ZNF676: variants seen among roughly 807,000 people sequenced by gnomAD.
The protein encoded by ZNF676 is zinc finger protein 676.
In ZNF676, 4 loss-of-function variants were observed where a neutral mutation model predicts 6.0. The observed-to-expected ratio is 0.67, with a 90% CI of 0.33 to 1.53. The LOEUF (loss-of-function observed/expected upper bound fraction) is 1.53, where lower values mean the gene tolerates loss of function less well. Ranked by LOEUF, ZNF676 falls within the 40% of genes most tolerant of loss-of-function variation. The probability of loss-of-function intolerance (pLI) is 0.06; values close to 1 mark genes in which losing one functional copy is unlikely to be tolerated. For missense variants in ZNF676, 644 were observed against 679.7 expected (o/e 0.95, Z 0.58); for synonymous variants, 198 against 223.1 (o/e 0.89, Z 1.00).
chr19:22,257,064 G>A, the ZNF676 span, among the ~76,000 whole-genome samples: 1 of 152,112 alleles, frequency 6.6e-6, no homozygotes, highest in African/African-American at 2.4e-5. Context: ...TGAGGGAAGA[G>A]TCCAAGCAGT....
intron 2 of ZNF676, among the ~76,000 whole-genome samples, chr19:22,182,593 A>AAAAAAAAAAAAAAAC (rs1356303631): frequency 0.063 from 5,618 of 89,478 alleles, 250 homozygotes; most frequent in East Asian, 0.11. Flanking sequence ...TCTAAAAAAA[A>AAAAAAAAAAAAAAAC]AAAAAAAAAG....
In ZNF676 at chr19:22,181,151, C is replaced by G. The variant is rs537289839; in HGVS notation, c.566G>C (p.Ser189Thr). 1.2e-6 allele frequency: 2 copies of G among 1,613,576 alleles called. No homozygotes were observed. Among genetic ancestry groups the G allele is most frequent in the East Asian group, 2.2e-5 (1 of 44,858 alleles). ...NWSSTLTYYK[S>T]IHTGEKPYKC... ...GTAGGGTTTCTCTCCAGTATGAATA[C>G]TCTTATAATAAGTAAGGGTTGAGGA... Residue 189 changes from serine (S) to threonine (T), a missense_variant, in exon 3 of 3, where the codon AGT becomes ACT. Physicochemically the swap from Ser to Thr is moderately conservative, Grantham distance 58 (BLOSUM62 1). Transcript: ENST00000397121.
the ZNF676 span, among the ~76,000 whole-genome samples, chr19:22,234,343 G>A: frequency 8.5e-5 from 13 of 152,278 alleles, 1 homozygote; most frequent in South Asian, 2.3e-3. Context: ...GGCAGAAATG[G>A]AGACCATGGG....
the ZNF676 span, among the ~76,000 whole-genome samples, chr19:22,248,996 C>T: frequency 1.3e-5 from 2 of 152,196 alleles, no homozygotes; most frequent in African/African-American, 4.8e-5. Flanking sequence ...TCCCAAAGTG[C>T]TGGGATTACA....
chr19:22,199,115 C>T (rs1271944270), upstream of ZNF676, among the ~76,000 whole-genome samples: 2 of 151,982 alleles, frequency 1.3e-5, no homozygotes, highest in African/African-American at 4.8e-5. Flanking sequence ...CTTAACTAAG[C>T]ATTTCCTCTC....
chr19:22,228,651 G>A, the ZNF676 span, among the ~76,000 whole-genome samples: 1 of 152,130 alleles, frequency 6.6e-6, no homozygotes, highest in African/African-American at 2.4e-5. Context: ...AGCAACTTCA[G>A]CAAAGTCTCA....
At chr19:22,248,018 T>C in the ZNF676 span, among the ~76,000 whole-genome samples, 1 of 152,086 alleles carries the variant, frequency 6.6e-6, no homozygotes, top group South Asian at 2.1e-4. Context: ...GTCCTTGTGA[T>C]AGTTTGCTGA....
chr19:22,244,480 G>A, the ZNF676 span: 1 of 152,146 alleles, frequency 6.6e-6, no homozygotes, highest in Non-Finnish European at 1.5e-5. Context: ...CTATGAGTTG[G>A]GCCAGGATAT....
the ZNF676 span, among the ~76,000 whole-genome samples, chr19:22,236,078 G>A: frequency 2.0e-5 from 3 of 151,648 alleles, no homozygotes; most frequent in African/African-American, 7.3e-5. Flanking sequence ...CACCACCTTT[G>A]CGTCTTTTTA....
intron 1 of ZNF676, among the ~76,000 whole-genome samples, chr19:22,195,157 G>A (rs1427457318): frequency 6.6e-6 from 1 of 152,128 alleles, no homozygotes; most frequent in Non-Finnish European, 1.5e-5. Flanking sequence ...CACAAAAGGA[G>A]AAATGAGGAA....
At chr19:22,194,685 C>T (rs116930351) in intron 1 of ZNF676, among the ~76,000 whole-genome samples, 2,731 of 152,084 alleles carry the variant, frequency 0.018, 47 homozygotes, top group Middle Eastern at 0.034. Flanking sequence ...CATCATTGGG[C>T]GAATCAGTGC....
At chr19:22,184,826 G>GAAAAAAAAAAAAAAA (rs144833243) in intron 2 of ZNF676, among the ~76,000 whole-genome samples, 2 of 52,688 alleles carry the variant, frequency 3.8e-5, no homozygotes, top group Admixed American at 2.6e-4. Flanking sequence ...GGGCATCTTT[G>GAAAAAAAAAAAAAAA]AAAAAAAAAA....
chr19:22,207,628 T>C (rs1255087864), intron 1 of ZNF676, among the ~76,000 whole-genome samples: 1 of 152,118 alleles, frequency 6.6e-6, no homozygotes, highest in Non-Finnish European at 1.5e-5. Flanking sequence ...AAAAAGAGCC[T>C]GAATAGCCAA....
Position 22,213,674 on chromosome 19 carries a change from T to C in ZNF676, c.3+1958A>G, listed in dbSNP as rs565551167. Reference sequence around the variant, plus strand: ...ACACTCCATACCTCTGGTTGTCTTATGGGAGATGAGAGGCTACACTCCATA... The same window carrying C: ...ACACTCCATACCTCTGGTTGTCTTACGGGAGATGAGAGGCTACACTCCATA... On this transcript the variant is annotated intron_variant, in intron 1 of 3. Transcript: ENST00000650058. 2.1e-5 allele frequency among the ~76,000 whole-genome samples: 3 copies of C among 142,420 alleles called. 1 individual carries two copies. In the East Asian group the frequency reaches 6.9e-4, roughly 33 times the overall value. 93.4% of individuals were successfully genotyped at this position (142,420 alleles called of 152,430 possible).
At chr19:22,231,601 CTTTA>C in the ZNF676 span, among the ~76,000 whole-genome samples, 117 of 67,512 alleles carry the variant, frequency 1.7e-3, no homozygotes, top group African/African-American at 9.2e-3. Context: ...TTAGCTGTAT[CTTTA>C]TTTATTTATT....
the ZNF676 span, among the ~76,000 whole-genome samples, chr19:22,238,078 T>C: frequency 1.4e-4 from 21 of 152,308 alleles, no homozygotes; most frequent in African/African-American, 4.3e-4. Flanking sequence ...ACTTTGTCCA[T>C]TGAACTTAGG....
chr19:22,197,459 T>C (rs1609037), upstream of ZNF676, among the ~76,000 whole-genome samples: 34,205 of 139,426 alleles, frequency 0.25, 4,338 homozygotes, highest in South Asian at 0.46. Context: ...GAGATCCTGT[T>C]AATGCAATTT....
chr19:22,207,980 T>C (rs1018056687), intron 1 of ZNF676, among the ~76,000 whole-genome samples: 10 of 129,128 alleles, frequency 7.7e-5, no homozygotes, highest in Non-Finnish European at 1.5e-4. Context: ...ATCTTAAAAA[T>C]TATAAAAAAA....
At chr19:22,239,894 T>A in the ZNF676 span, among the ~76,000 whole-genome samples, 2 of 152,084 alleles carry the variant, frequency 1.3e-5, no homozygotes, top group Non-Finnish European at 2.9e-5. Flanking sequence ...TAGCAATATA[T>A]CACAATGCCC....
Sources: allele counts gnomAD v4.1 joint callset (sites outside exome capture counted in the v4.1 genomes callset), GRCh38; gene constraint gnomAD v4.1.1; transcripts MANE v1.5; gene names NCBI Gene and HGNC (gene_info 2026-07-23, HGNC 2026-07-21).